ANKRD44: variants seen among roughly 807,000 people sequenced by gnomAD.
The protein encoded by ANKRD44 is ankyrin repeat domain 44.
ANKRD44 carries 35 observed loss-of-function variants against 116.0 expected under a neutral mutation model. That is an observed-to-expected ratio of 0.30 (90% CI 0.23 to 0.40). The LOEUF (loss-of-function observed/expected upper bound fraction) is 0.40. Ranked by LOEUF, ANKRD44 falls within the 10% of genes least tolerant of loss-of-function variation. The pLI is 1.00. For synonymous variants in ANKRD44, 435 were observed against 461.8 expected (o/e 0.94, Z 0.74); for missense variants, 1,014 against 1,242.6 (o/e 0.82, Z 2.77).
At position 197,228,983 on chromosome 2, in the gene ANKRD44, A is replaced by T. The variant is rs2697312; in HGVS notation, c.28-41877T>A. 5.4e-3 allele frequency among the ~76,000 whole-genome samples: 823 copies of T among 152,320 alleles called. 7 individuals are homozygous for T. The highest frequency in any genetic ancestry group is 0.018 in the African/African-American group (768 of 41,574). On this transcript the variant is annotated intron_variant, in intron 1 of 27. Transcript: ENST00000282272. ...CTGGGAGGCAAAGGTTACAGTGAGC[A>T]GAGATTGTGCCATTGCACTCCAGCC...
chr2:197,217,048 G>C (rs2081464143), intron 1 of ANKRD44, among the ~76,000 whole-genome samples: 1 of 152,146 alleles, frequency 6.6e-6, no homozygotes, highest in Admixed American at 6.6e-5. Context: ...GGACTCTGAA[G>C]ATGAAAAAGG....
chr2:197,224,634 A>G (rs2081659675), intron 1 of ANKRD44, among the ~76,000 whole-genome samples: 1 of 152,082 alleles, frequency 6.6e-6, no homozygotes, highest in Admixed American at 6.6e-5. Flanking sequence ...TGTTTTATTC[A>G]TTATGCTTTT....
intron 1 of ANKRD44, among the ~76,000 whole-genome samples, chr2:197,204,942 A>G (rs2081173638): frequency 6.6e-6 from 1 of 152,248 alleles, no homozygotes; most frequent in African/African-American, 2.4e-5. Flanking sequence ...CACAGTCTAT[A>G]AGGGAGAGGT....
chr2:197,191,276 A>G (rs1266892412), intron 1 of ANKRD44, among the ~76,000 whole-genome samples: 4 of 152,180 alleles, frequency 2.6e-5, no homozygotes, highest in Non-Finnish European at 4.4e-5. Context: ...CTTCAAAATC[A>G]CCAACAACTA....
intron 2 of ANKRD44, among the ~76,000 whole-genome samples, chr2:197,167,300 A>G (rs2080121540): frequency 6.6e-6 from 1 of 152,202 alleles, no homozygotes; most frequent in Admixed American, 6.5e-5. Context: ...ATATTATCAT[A>G]TTTAATATGC....
intron 1 of ANKRD44, among the ~76,000 whole-genome samples, chr2:197,261,181 G>C (rs1310096137): frequency 6.6e-6 from 1 of 151,174 alleles, no homozygotes; most frequent in African/African-American, 2.4e-5. Flanking sequence ...GTATTGCCTA[G>C]GTTTTCTTCT....
At chr2:197,040,083 A>G (rs544862305) in intron 16 of ANKRD44, among the ~76,000 whole-genome samples, 1 of 151,950 alleles carries the variant, frequency 6.6e-6, no homozygotes, top group African/African-American at 2.4e-5. Flanking sequence ...AACTAAAAAT[A>G]CAGAAATTAG....
At chr2:197,267,700 G>T (rs1454032472) in intron 1 of ANKRD44, among the ~76,000 whole-genome samples, 1 of 152,226 alleles carries the variant, frequency 6.6e-6, no homozygotes, top group African/African-American at 2.4e-5. Flanking sequence ...GATAATGCTG[G>T]TTATCTAAGT....
At chr2:197,144,317 G>A (rs573663202) in intron 3 of ANKRD44, among the ~76,000 whole-genome samples, 8 of 152,292 alleles carry the variant, frequency 5.3e-5, no homozygotes, top group East Asian at 1.9e-4. Context: ...TGGCAAGGCC[G>A]AATTATTTGT....
intron 15 of ANKRD44, among the ~76,000 whole-genome samples, 154 bp downstream of exon 15, chr2:197,081,491 A>G (rs1338454112): frequency 6.6e-6 from 1 of 152,226 alleles, no homozygotes; most frequent in African/African-American, 2.4e-5. Flanking sequence ...CTGTATTAAA[A>G]GAATAGTTTC....
intron 16 of ANKRD44, among the ~76,000 whole-genome samples, chr2:197,077,266 A>G (rs2077690190): frequency 6.6e-6 from 1 of 152,104 alleles, no homozygotes; most frequent in Non-Finnish European, 1.5e-5. Flanking sequence ...AGTGATGCTG[A>G]GCTTTTTTTC....
At chr2:197,218,808 G>A (rs1171991341) in intron 1 of ANKRD44, among the ~76,000 whole-genome samples, 3 of 120,996 alleles carry the variant, frequency 2.5e-5, no homozygotes, top group African/African-American at 9.5e-5. Flanking sequence ...CACCCAGGCT[G>A]GAGTACAGTG....
chr2:197,257,991 T>C, intron 1 of ANKRD44, among the ~76,000 whole-genome samples: 1 of 152,208 alleles, frequency 6.6e-6, no homozygotes, highest in East Asian at 1.9e-4. Flanking sequence ...CATACAATAG[T>C]TGTTCTTGCA....
intron 2 of ANKRD44, among the ~76,000 whole-genome samples, chr2:197,179,827 T>C (rs910984298): frequency 6.6e-6 from 1 of 152,236 alleles, no homozygotes; most frequent in African/African-American, 2.4e-5. Flanking sequence ...AGCCACATCT[T>C]TGAAGCCTGC....
rs752248509 is a variant in ANKRD44, at chr2:197,001,705, G to C, written c.2435+48C>G. On this transcript the variant is annotated intron_variant, in intron 22 of 27. Transcript: ENST00000282272. Reference sequence around the variant, plus strand: ...CTACAAAGCAACTTTTCTATGTGTAGTTAAAATCATTAAAGCAACATCATT... The same window carrying C: ...CTACAAAGCAACTTTTCTATGTGTACTTAAAATCATTAAAGCAACATCATT... 4 of 1,431,048 alleles carry C rather than the reference G, an allele frequency of 2.8e-6. No homozygotes were observed. The South Asian group carries it at 4.9e-5, about 18-fold the overall frequency. 88.6% of individuals were successfully genotyped at this position (1,431,048 alleles called of 1,614,324 possible). A position where few individuals can be genotyped will look rare whatever the true frequency, so the allele number is the denominator to read the frequency against.
At chr2:197,158,891 G>A (rs1448021740) in intron 2 of ANKRD44, among the ~76,000 whole-genome samples, 1 of 152,082 alleles carries the variant, frequency 6.6e-6, no homozygotes, top group African/African-American at 2.4e-5. Flanking sequence ...TATGACGCCT[G>A]AAAGAATCTT....
chr2:197,210,337 C>G (rs925696534), intron 1 of ANKRD44, among the ~76,000 whole-genome samples: 30 of 152,058 alleles, frequency 2.0e-4, no homozygotes, highest in African/African-American at 7.3e-4. Flanking sequence ...TCCTCTTCAC[C>G]CCTAACAGTG....
intron 2 of ANKRD44, among the ~76,000 whole-genome samples, chr2:197,180,012 A>G (rs2080464366): frequency 6.6e-6 from 1 of 152,148 alleles, no homozygotes; most frequent in Admixed American, 6.5e-5. Flanking sequence ...CCCTCAAGAC[A>G]AAAAGCACCA....
chr2:197,091,501 C>T (rs147195657), intron 10 of ANKRD44, among the ~76,000 whole-genome samples: 100 of 152,272 alleles, frequency 6.6e-4, no homozygotes, highest in African/African-American at 2.0e-3. Context: ...CCACCACAGG[C>T]GCACATCACT....
Sources: allele counts gnomAD v4.1 joint callset (sites outside exome capture counted in the v4.1 genomes callset), GRCh38; gene constraint gnomAD v4.1.1; transcripts MANE v1.5; gene names NCBI Gene and HGNC (gene_info 2026-07-23, HGNC 2026-07-21).